Variants in TSPAN15 observed in about 807,000 individuals in gnomAD.
TSPAN15 encodes tetraspanin 15.
Under a neutral mutation model 34.5 loss-of-function variants are expected in TSPAN15, and 20 were observed. The ratio of observed to expected loss-of-function variants is 0.58; its 90% CI spans 0.41 to 0.84. The LOEUF (loss-of-function observed/expected upper bound fraction) is 0.84. Among genes scored for constraint, TSPAN15 ranks in the 40% least tolerant of loss-of-function variants. TSPAN15 has a pLI of 0.00. For missense variants in TSPAN15, 313 were observed against 386.1 expected (o/e 0.81, Z 1.59); for synonymous variants, 155 against 153.9 (o/e 1.01, Z -0.05).
chr10:69,539,382 A>AGGAGAG, the TSPAN15 span, among the ~76,000 whole-genome samples: 1 of 110,660 alleles, frequency 9.0e-6, no homozygotes, highest in Non-Finnish European at 2.0e-5. Flanking sequence ...AAATAGAAGA[A>AGGAGAG]GAAGAGGAAG....
At chr10:69,478,716 A>G (rs1841668735) in intron 1 of TSPAN15, among the ~76,000 whole-genome samples, 1 of 152,240 alleles carries the variant, frequency 6.6e-6, no homozygotes, top group Non-Finnish European at 1.5e-5. Flanking sequence ...TACAAAAGAA[A>G]CCAGTTATAG....
intron 1 of TSPAN15, among the ~76,000 whole-genome samples, chr10:69,476,337 T>C (rs1376425822): frequency 1.3e-5 from 2 of 151,198 alleles, no homozygotes; most frequent in African/African-American, 4.9e-5. Flanking sequence ...GACAGTGGGG[T>C]CATAGCAGAT....
intron 5 of TSPAN15, among the ~76,000 whole-genome samples, chr10:69,502,216 A>C (rs1842225395): frequency 6.6e-6 from 1 of 152,202 alleles, no homozygotes; most frequent in Non-Finnish European, 1.5e-5. Flanking sequence ...AGCTTCCAAT[A>C]GAGGATTTGA....
chr10:69,530,850 A>C, the TSPAN15 span, among the ~76,000 whole-genome samples: 5 of 121,728 alleles, frequency 4.1e-5, no homozygotes, highest in African/African-American at 1.5e-4. Context: ...ATATATATAT[A>C]TATATATATG....
intron 3 of TSPAN15, among the ~76,000 whole-genome samples, chr10:69,487,805 C>T (rs570870761): frequency 3.9e-5 from 6 of 152,150 alleles, no homozygotes; most frequent in Non-Finnish European, 8.8e-5. Context: ...CTTGGGTTTC[C>T]GTGGGCCTGA....
chr10:69,485,600 A>G (rs1841835073), intron 3 of TSPAN15, among the ~76,000 whole-genome samples: 1 of 152,096 alleles, frequency 6.6e-6, no homozygotes, highest in Non-Finnish European at 1.5e-5. Context: ...CAGATCACAG[A>G]GGTCCTTGTA....
At chr10:69,476,587 A>G (rs886855047) in intron 1 of TSPAN15, among the ~76,000 whole-genome samples, 2 of 151,654 alleles carry the variant, frequency 1.3e-5, no homozygotes, top group African/African-American at 4.8e-5. Flanking sequence ...AAAAAGTAAC[A>G]AAAGCAGGCT....
At chr10:69,479,780 G>A (rs1841694345) in intron 1 of TSPAN15, among the ~76,000 whole-genome samples, 1 of 152,242 alleles carries the variant, frequency 6.6e-6, no homozygotes, top group Admixed American at 6.5e-5. Flanking sequence ...CATGCCCGCT[G>A]CTCTTGGGAG....
chr10:69,497,550 A>T (rs766015419), intron 4 of TSPAN15, among the ~76,000 whole-genome samples: 15 of 151,626 alleles, frequency 9.9e-5, no homozygotes, highest in Non-Finnish European at 1.8e-4. Flanking sequence ...GCCCCTCCCC[A>T]CTTTCCCCCT....
At chr10:69,528,446 C>A in the TSPAN15 span, among the ~76,000 whole-genome samples, 17 of 148,666 alleles carry the variant, frequency 1.1e-4, 1 homozygote, top group South Asian at 3.6e-3. Context: ...CAGTTTCAAC[C>A]CTGTTGGTGT....
At chr10:69,542,593 G>C in the TSPAN15 span, among the ~76,000 whole-genome samples, 1 of 152,326 alleles carries the variant, frequency 6.6e-6, no homozygotes, top group East Asian at 1.9e-4. Context: ...TTACAATCAT[G>C]ATGGAAGGGG....
the TSPAN15 span, among the ~76,000 whole-genome samples, chr10:69,531,038 A>G: frequency 1.4e-5 from 2 of 145,400 alleles, no homozygotes; most frequent in African/African-American, 5.0e-5. Flanking sequence ...ATAACTAGAC[A>G]GGATTAAAGC....
chr10:69,533,598 C>G, the TSPAN15 span, among the ~76,000 whole-genome samples: 2 of 152,076 alleles, frequency 1.3e-5, no homozygotes, highest in Admixed American at 1.3e-4. Context: ...ACCAAAATCT[C>G]ACAAATCCCC....
In TSPAN15 at chr10:69,507,069, C is replaced by A; in HGVS notation, c.*91C>A. On this transcript the variant is annotated 3_prime_UTR_variant, in exon 8 of 8. Transcript: ENST00000373290. Reference sequence around the variant, plus strand: ...GGGGCTGGACAGGGCTGCGGCCCCTCTGCCCACACTCAGTACTGACCAAAG... The same window carrying A: ...GGGGCTGGACAGGGCTGCGGCCCCTATGCCCACACTCAGTACTGACCAAAG... The A allele has an allele frequency of 6.5e-7, 1 of 1,544,552 alleles. No homozygotes were observed. The highest frequency in any genetic ancestry group is 1.2e-5 in the South Asian group (1 of 83,298).
At chr10:69,481,918 A>C (rs1233075079) in intron 1 of TSPAN15, among the ~76,000 whole-genome samples, 3 of 152,216 alleles carry the variant, frequency 2.0e-5, no homozygotes, top group Non-Finnish European at 4.4e-5. Flanking sequence ...CAGAGGGTCT[A>C]TTGGAAAGCC....
intron 1 of TSPAN15, among the ~76,000 whole-genome samples, chr10:69,464,426 T>C (rs1183363092): frequency 4.6e-5 from 7 of 151,572 alleles, no homozygotes; most frequent in African/African-American, 1.7e-4. Context: ...CTGTGGGGAG[T>C]GAGGCTTCTG....
chr10:69,512,262 C>T (rs972570), downstream of TSPAN15, among the ~76,000 whole-genome samples: 75,011 of 152,016 alleles, frequency 0.49, 19,040 homozygotes, highest in African/African-American at 0.59. Flanking sequence ...CACCATGACA[C>T]ACATAGAAAA....
At chr10:69,481,870 C>T (rs1841741344) in intron 1 of TSPAN15, among the ~76,000 whole-genome samples, 1 of 152,186 alleles carries the variant, frequency 6.6e-6, no homozygotes, top group Non-Finnish European at 1.5e-5. Flanking sequence ...AATCCTTGGA[C>T]AGGCAGGGGA....
At chr10:69,537,664 A>G in the TSPAN15 span, among the ~76,000 whole-genome samples, 110 of 152,342 alleles carry the variant, frequency 7.2e-4, 1 homozygote, top group Non-Finnish European at 2.9e-4. Flanking sequence ...CTAACTCATT[A>G]CATCTACAAT....
Sources: gnomAD v4.1 joint callset for allele counts (sites outside exome capture counted in the v4.1 genomes callset) on GRCh38, gnomAD v4.1.1 for gene constraint, MANE v1.5 for transcripts, NCBI Gene and HGNC (gene_info 2026-07-23, HGNC 2026-07-21) for gene names.